Variants in TSPAN18 observed in about 807,000 individuals in gnomAD.
The protein encoded by TSPAN18 is tetraspanin-18.
In TSPAN18, 14 loss-of-function variants were observed where a neutral mutation model predicts 27.3. That is an observed-to-expected ratio of 0.51 (90% CI 0.34 to 0.80). TSPAN18 has a LOEUF of 0.80. Ranked by LOEUF, TSPAN18 falls within the 30% of genes least tolerant of loss-of-function variation. TSPAN18 has a pLI of 0.01. For synonymous variants in TSPAN18, 143 were observed against 136.5 expected, an observed-to-expected ratio of 1.05 and a Z score of -0.33; for missense variants, 268 against 323.9, an observed-to-expected ratio of 0.83 and a Z score of 1.32.
intron 2 of TSPAN18, among the ~76,000 whole-genome samples, chr11:44,808,170 C>T (rs1344209842): frequency 1.3e-5 from 2 of 152,142 alleles, no homozygotes; most frequent in Non-Finnish European, 2.9e-5. Flanking sequence ...CAACAACTTC[C>T]CCCAGGAAAG....
chr11:44,797,883 A>G (rs924538155), intron 2 of TSPAN18, among the ~76,000 whole-genome samples: 2 of 152,206 alleles, frequency 1.3e-5, no homozygotes, highest in Non-Finnish European at 2.9e-5. Flanking sequence ...GTTGCTCAGC[A>G]GAGAAGTTTA....
At chr11:44,795,070 A>ACCC (rs1590481612) in intron 2 of TSPAN18, among the ~76,000 whole-genome samples, 1 of 141,546 alleles carries the variant, frequency 7.1e-6, no homozygotes. Context: ...TGCCATTGGA[A>ACCC]CCCCCACCCC....
In TSPAN18 at chr11:44,764,524, C is replaced by G. The variant is rs768388515; in HGVS notation, c.-153+12C>G. 3.9e-4 allele frequency: 59 copies of G among 152,376 alleles called. No homozygotes were observed. The highest frequency in any genetic ancestry group is 3.3e-4 in the Admixed American group (5 of 15,296). The allele number at this position is 152,376 out of a possible 1,614,324, so 9.4% of individuals were successfully genotyped here. Reference sequence around the variant, plus strand: ...ACCAGTGGAAAGAGGTATGATGTGGCAACATGGCAGGGTGGCATCTTCACT... The same window carrying G: ...ACCAGTGGAAAGAGGTATGATGTGGGAACATGGCAGGGTGGCATCTTCACT... On this transcript the variant is annotated intron_variant, in intron 2 of 9. Coordinates refer to ENST00000520358, the MANE Select transcript of TSPAN18 (RefSeq NM_130783.5).
intron 2 of TSPAN18, among the ~76,000 whole-genome samples, chr11:44,822,516 C>G (rs1856947899): frequency 2.0e-5 from 3 of 151,818 alleles, no homozygotes; most frequent in South Asian, 4.2e-4. Flanking sequence ...CACATTCTCA[C>G]CAATGATAGT....
intron 2 of TSPAN18, among the ~76,000 whole-genome samples, chr11:44,820,356 G>A (rs943655526): frequency 1.2e-4 from 18 of 152,184 alleles, no homozygotes; most frequent in African/African-American, 3.9e-4. Context: ...GTCAAGGGGT[G>A]GACTGCTCTG....
chr11:44,783,539 T>C (rs1199457962), intron 2 of TSPAN18, among the ~76,000 whole-genome samples: 2 of 151,782 alleles, frequency 1.3e-5, no homozygotes, highest in African/African-American at 4.8e-5. Flanking sequence ...GCTGGGACTA[T>C]AGACACGTAC....
chr11:44,856,446 C>T (rs953732542), intron 2 of TSPAN18, among the ~76,000 whole-genome samples: 3 of 152,230 alleles, frequency 2.0e-5, no homozygotes, highest in African/African-American at 7.2e-5. Flanking sequence ...GCCTATAGTG[C>T]CTTCCTCATC....
intron 8 of TSPAN18, among the ~76,000 whole-genome samples, chr11:44,924,097 T>TTGTGTGCGTG (rs1491267205): frequency 4.1e-5 from 6 of 145,772 alleles, no homozygotes; most frequent in African/African-American, 1.3e-4. Context: ...CCTTCTGGGG[T>TTGTGTGCGTG]TGTGTGTGTG....
In TSPAN18 at chr11:44,791,489, C is replaced by T. The variant is rs74586338; in HGVS notation, c.-153+26977C>T. Among the ~76,000 whole-genome samples, 976 of 152,304 alleles carry T rather than the reference C, an allele frequency of 6.4e-3. 8 individuals are homozygous for T. Among genetic ancestry groups the T allele is most frequent in the African/African-American group, 0.022 (934 of 41,570 alleles). On this transcript the variant is annotated intron_variant, in intron 2 of 9. Transcript: ENST00000520358. ...AGGCTAGAAGCCTTGGCAATGATTC[C>T]GGAGCGAGTGGGGCATTTGTTTCCA...
Position 44,873,030 on chromosome 11 carries a change from G to A in TSPAN18, c.-11+12561G>A, listed in dbSNP as rs898967875. Among the ~76,000 whole-genome samples the A allele has an allele frequency of 2.3e-4, 35 of 152,286 alleles. No individual in the cohort carries two copies. In the Middle Eastern group the frequency reaches 0.01, roughly 44 times the overall value. Reference sequence around the variant, plus strand: ...CAGGCCTGGAGAGACACCAGGGAGGGCTTCCTGGAGGTAGGAATGTTTCAG... The same window carrying A: ...CAGGCCTGGAGAGACACCAGGGAGGACTTCCTGGAGGTAGGAATGTTTCAG... On this transcript the variant is annotated intron_variant, in intron 3 of 9. Coordinates refer to ENST00000520358, the MANE Select transcript of TSPAN18 (RefSeq NM_130783.5).
chr11:44,784,525 G>A (rs1488473437), intron 2 of TSPAN18, among the ~76,000 whole-genome samples: 4 of 152,160 alleles, frequency 2.6e-5, no homozygotes, highest in African/African-American at 7.2e-5. Flanking sequence ...TGCTCTAACC[G>A]CTCTGGAGAC....
chr11:44,874,248 C>T (rs536743078), intron 3 of TSPAN18, among the ~76,000 whole-genome samples: 7 of 152,182 alleles, frequency 4.6e-5, no homozygotes, highest in African/African-American at 1.4e-4. Flanking sequence ...CCACCTCTTC[C>T]GCCTGATTCA....
At chr11:44,786,260 G>T (rs1565148470) in intron 2 of TSPAN18, among the ~76,000 whole-genome samples, 1 of 152,224 alleles carries the variant, frequency 6.6e-6, no homozygotes, top group African/African-American at 2.4e-5. Flanking sequence ...CTCAGAGGAT[G>T]GTCCCTGCTG....
chr11:44,927,063 A>G (rs759705500), intron 9 of TSPAN18, among the ~76,000 whole-genome samples: 6 of 152,210 alleles, frequency 3.9e-5, no homozygotes, highest in Admixed American at 1.3e-4. Flanking sequence ...CATGGTCCAG[A>G]GAGATTTCAC....
chr11:44,921,094 C>T (rs747062112), intron 8 of TSPAN18, among the ~76,000 whole-genome samples: 5 of 152,186 alleles, frequency 3.3e-5, no homozygotes, highest in Non-Finnish European at 5.9e-5. Context: ...GGCACATCCC[C>T]ATGGATTCCT....
At chr11:44,782,298 G>C (rs1428236550) in intron 2 of TSPAN18, among the ~76,000 whole-genome samples, 2 of 152,102 alleles carry the variant, frequency 1.3e-5, no homozygotes, top group Non-Finnish European at 2.9e-5. Context: ...TGTAATCCCA[G>C]CACTTTGGGA....
At chr11:44,790,366 CAT>C (rs1367043999) in intron 2 of TSPAN18, among the ~76,000 whole-genome samples, 1 of 140,388 alleles carries the variant, frequency 7.1e-6, no homozygotes, top group East Asian at 2.1e-4. Flanking sequence ...TGGGTGCGTG[CAT>C]GTTTGTGTGC....
intron 3 of TSPAN18, among the ~76,000 whole-genome samples, chr11:44,861,876 TTCCAAAA>T (rs1857899641): frequency 6.7e-6 from 1 of 149,746 alleles, no homozygotes; most frequent in Non-Finnish European, 1.5e-5. Context: ...GTACTTCACG[TTCCAAAA>T]AGATTGTTCC....
At chr11:44,900,073 G>A (rs1406458589) in intron 3 of TSPAN18, among the ~76,000 whole-genome samples, 1 of 152,302 alleles carries the variant, frequency 6.6e-6, no homozygotes, top group East Asian at 1.9e-4. Flanking sequence ...AAACTGTGCC[G>A]TGAAGTTAAC....
Sources: gnomAD v4.1 joint callset for allele counts (sites outside exome capture counted in the v4.1 genomes callset) on GRCh38, gnomAD v4.1.1 for gene constraint, MANE v1.5 for transcripts, NCBI Gene and HGNC (gene_info 2026-07-23, HGNC 2026-07-21) for gene names.